RABGEF1: variants seen among roughly 807,000 people sequenced by gnomAD.
The protein encoded by RABGEF1 is rab5 GDP/GTP exchange factor.
RABGEF1 carries 26 observed loss-of-function variants against 57.3 expected under a neutral mutation model. That is an observed-to-expected ratio of 0.45 (90% confidence interval 0.33 to 0.63). The LOEUF is 0.63. Ranked by LOEUF, RABGEF1 falls within the 20% of genes least tolerant of loss-of-function variation. RABGEF1 has a pLI of 0.02. For missense variants in RABGEF1, 464 were observed against 607.6 expected, an observed-to-expected ratio of 0.76 and a Z score of 2.48; for synonymous variants, 185 against 210.7, an observed-to-expected ratio of 0.88 and a Z score of 1.06.
intron 3 of RABGEF1, among the ~76,000 whole-genome samples, chr7:66,777,883 C>G (rs79125988): frequency 6.6e-6 from 1 of 152,118 alleles, no homozygotes; most frequent in South Asian, 2.1e-4. Context: ...TCTTGTCTCC[C>G]CTCATCCCCC....
intron 4 of RABGEF1, among the ~76,000 whole-genome samples, chr7:66,784,786 GCTGT>G (rs1810762232): frequency 6.6e-6 from 1 of 152,062 alleles, no homozygotes; most frequent in African/African-American, 2.4e-5. Context: ...TAAGTAAGTA[GCTGT>G]CTTTCTCTAG....
chr7:66,710,813 T>C (rs1794674958), intron 1 of RABGEF1, among the ~76,000 whole-genome samples: 1 of 152,146 alleles, frequency 6.6e-6, no homozygotes. Context: ...AGATTTTCTT[T>C]CTTGGGGCTG....
chr7:66,773,884 T>G (rs1385783165), intron 2 of RABGEF1: 2 of 415,396 alleles, frequency 4.8e-6, no homozygotes, highest in Non-Finnish European at 9.6e-6. Flanking sequence ...CAGGCTGGTC[T>G]CAAATTCCTG....
At chr7:66,803,759 C>T (rs1426758514) in intron 7 of RABGEF1, among the ~76,000 whole-genome samples, 1 of 151,778 alleles carries the variant, frequency 6.6e-6, no homozygotes, top group African/African-American at 2.4e-5. Context: ...CGTGGTGGTG[C>T]GTGCCTGTAG....
chr7:66,763,382 T>C (rs1256705693), intron 1 of RABGEF1, among the ~76,000 whole-genome samples: 1 of 152,254 alleles, frequency 6.6e-6, no homozygotes, highest in East Asian at 1.9e-4. Flanking sequence ...TTGTTGGCTG[T>C]CAGCCAGAAG....
chr7:66,668,353 T>G, the RABGEF1 span, among the ~76,000 whole-genome samples: 11 of 152,186 alleles, frequency 7.2e-5, no homozygotes, highest in Non-Finnish European at 1.3e-4. Flanking sequence ...TACCTCAGCC[T>G]CCGAAAGCGT....
intron 2 of RABGEF1, among the ~76,000 whole-genome samples, chr7:66,720,241 G>A (rs1295019289): frequency 4.8e-5 from 7 of 146,036 alleles, no homozygotes; most frequent in Non-Finnish European, 7.5e-5. Flanking sequence ...TCCATTGCCC[G>A]GGTTGGAGTG....
At chr7:66,696,187 C>T (rs1792305917) in intron 1 of RABGEF1, among the ~76,000 whole-genome samples, 2 of 152,130 alleles carry the variant, frequency 1.3e-5, no homozygotes, top group South Asian at 4.2e-4. Context: ...CGCTTCTGGC[C>T]CCCAAGTAGC....
the RABGEF1 span, among the ~76,000 whole-genome samples, chr7:66,672,301 G>A: frequency 4.0e-5 from 6 of 151,784 alleles, no homozygotes; most frequent in African/African-American, 1.5e-4. Flanking sequence ...GCGCGGTGGC[G>A]GGCACCTGTA....
Position 66,795,496 on chromosome 7 carries a change from G to A in RABGEF1, c.514-15G>A. On this transcript the variant is annotated splice_polypyrimidine_tract_variant and intron_variant, in intron 4 of 8. Coordinates refer to ENST00000284957, the MANE Select transcript of RABGEF1 (RefSeq NM_014504.3). ...TTGTTCAGCTACAAGCAGCCTCTTT[G>A]TCTCTCTGTTTCAGGATCTAAGCAT... 6.3e-7 allele frequency: 1 copy of A among 1,590,078 alleles called. No homozygotes were observed. Among genetic ancestry groups the A allele is most frequent in the Non-Finnish European group, 8.6e-7 (1 of 1,158,158 alleles).
intron 2 of RABGEF1, among the ~76,000 whole-genome samples, chr7:66,715,025 T>C (rs1486032451): frequency 6.6e-6 from 1 of 152,050 alleles, no homozygotes; most frequent in Non-Finnish European, 1.5e-5. Context: ...TTCTTCCTCC[T>C]CTTTCTTCTT....
chr7:66,665,176 A>T, the RABGEF1 span: 3 of 151,236 alleles, frequency 2.0e-5, no homozygotes, highest in African/African-American at 7.3e-5. Flanking sequence ...CTAGAATCTC[A>T]CTGTGTCACC....
chr7:66,781,787 G>A (rs1252142617), intron 3 of RABGEF1, among the ~76,000 whole-genome samples: 2 of 152,160 alleles, frequency 1.3e-5, no homozygotes, highest in Non-Finnish European at 2.9e-5. Context: ...ATTGGCCTCC[G>A]TGAACTCCAA....
chr7:66,682,788 G>A (rs1025988049), intron 1 of RABGEF1, among the ~76,000 whole-genome samples: 1 of 152,218 alleles, frequency 6.6e-6, no homozygotes, highest in Non-Finnish European at 1.5e-5. Context: ...GAAGCCTATG[G>A]TCCTGACTTC....
At chr7:66,759,229 A>G (rs1009681654) in intron 1 of RABGEF1, among the ~76,000 whole-genome samples, 3 of 152,320 alleles carry the variant, frequency 2.0e-5, no homozygotes, top group Admixed American at 6.5e-5. Flanking sequence ...CTCACAGGAC[A>G]TATTTATTCC....
intron 2 of RABGEF1, among the ~76,000 whole-genome samples, chr7:66,719,606 CTT>C (rs917686906): frequency 6.6e-6 from 1 of 152,090 alleles, no homozygotes; most frequent in African/African-American, 2.4e-5. Flanking sequence ...CCCACAAAAA[CTT>C]TTAGAAAACA....
At chr7:66,787,516 T>C (rs1300735524) in intron 4 of RABGEF1, among the ~76,000 whole-genome samples, 1 of 151,962 alleles carries the variant, frequency 6.6e-6, no homozygotes, top group East Asian at 1.9e-4. Context: ...GCTAATTTTT[T>C]GTATGTTTAG....
chr7:66,754,944 A>T (rs1283986988), intron 1 of RABGEF1, among the ~76,000 whole-genome samples: 1 of 151,734 alleles, frequency 6.6e-6, no homozygotes, highest in Admixed American at 6.6e-5. Flanking sequence ...GTGGCAAACC[A>T]TGGGAGGATT....
chr7:66,745,275 T>C (rs1311676478), intron 1 of RABGEF1, among the ~76,000 whole-genome samples: 2 of 152,214 alleles, frequency 1.3e-5, no homozygotes, highest in Non-Finnish European at 2.9e-5. Context: ...TGTGAGTCTT[T>C]GGCTAGAGAC....
Sources: allele counts gnomAD v4.1 joint callset (sites outside exome capture counted in the v4.1 genomes callset), GRCh38; gene constraint gnomAD v4.1.1; transcripts MANE v1.5; gene names NCBI Gene and HGNC (gene_info 2026-07-23, HGNC 2026-07-21).